Variants in PRICKLE2 observed in about 807,000 individuals in gnomAD.
The protein encoded by PRICKLE2 is prickle planar cell polarity protein 2.
Under a neutral mutation model 81.4 loss-of-function variants are expected in PRICKLE2, and 21 were observed. That is an observed-to-expected ratio of 0.26 (90% CI 0.18 to 0.37). PRICKLE2 has a LOEUF of 0.37. PRICKLE2 is among the 10% of genes least tolerant of loss of function. PRICKLE2 has a pLI of 1.00. For synonymous variants in PRICKLE2, 456 were observed against 421.5 expected (o/e 1.08, Z -1.00); for missense variants, 940 against 1,109.0 (o/e 0.85, Z 2.16).
At chr3:64,246,411 C>G (rs1473299504) in intron 2 of PRICKLE2, among the ~76,000 whole-genome samples, 1 of 152,206 alleles carries the variant, frequency 6.6e-6, no homozygotes, top group Admixed American at 6.5e-5. Flanking sequence ...CGTGACCCAA[C>G]CTATAGCACC....
At position 64,099,603 on chromosome 3, in the gene PRICKLE2, C is replaced by T. The variant is rs765543553; in HGVS notation, c.1983G>A (p.Arg661=). 1 of 1,613,934 alleles carries T rather than the reference C, an allele frequency of 6.2e-7. No homozygotes were observed. The highest frequency in any genetic ancestry group is 1.1e-5 in the South Asian group (1 of 91,090). ...GSKLPGQEGV[R]IQPMSERTRR... ...GGGTGCGTTCACTCATGGGCTGGAT[C>T]CTCACGCCCTCCTGCCCTGGCAGCT... Residue 661 remains arginine, a synonymous_variant, in exon 8 of 8, where the codon AGG becomes AGA. Transcript: ENST00000638394. This position sits in a 1 kb window ranked among gnomAD's most constrained non-coding sequence, Gnocchi z 4.3.
chr3:64,142,967 T>C (rs1259221794), intron 7 of PRICKLE2, among the ~76,000 whole-genome samples: 3 of 152,098 alleles, frequency 2.0e-5, no homozygotes, highest in East Asian at 1.9e-4. Flanking sequence ...CTTGATCTCA[T>C]CCCAGCAAGT....
At chr3:64,135,707 CA>C (rs2077267417) in intron 7 of PRICKLE2, among the ~76,000 whole-genome samples, 2 of 151,426 alleles carry the variant, frequency 1.3e-5, no homozygotes, top group Non-Finnish European at 2.9e-5. Context: ...CACACACACA[CA>C]CACACACACA....
chr3:64,110,845 TAA>T (rs1199311010), intron 7 of PRICKLE2, among the ~76,000 whole-genome samples: 1 of 149,698 alleles, frequency 6.7e-6, no homozygotes, highest in Non-Finnish European at 1.5e-5. Flanking sequence ...CTCTGGGTTT[TAA>T]AAGTGTCGGG....
At position 64,107,505 on chromosome 3, in the gene PRICKLE2, C is replaced by T. The variant is rs538203614; in HGVS notation, c.1661-7580G>A. ...TTCCTTATTTATTGTCCTGTCTTAT[C>T]CCACTCCGCACCAGAAGACAGAGAG... is the stretch of plus-strand genomic sequence containing the variant. On this transcript the variant is annotated intron_variant, in intron 7 of 7. Transcript: ENST00000638394. 2.6e-5 allele frequency among the ~76,000 whole-genome samples: 4 copies of T among 152,216 alleles called. No homozygotes were observed. The South Asian group carries it at 8.3e-4, about 32-fold the overall frequency.
At chr3:64,120,563 A>G (rs2077009230) in intron 7 of PRICKLE2, among the ~76,000 whole-genome samples, 2 of 152,126 alleles carry the variant, frequency 1.3e-5, no homozygotes, top group South Asian at 4.1e-4. Context: ...TCGCCCAGGG[A>G]TCTTCTTAAA....
At chr3:64,119,883 A>T (rs180911391) in intron 7 of PRICKLE2, among the ~76,000 whole-genome samples, 2 of 152,366 alleles carry the variant, frequency 1.3e-5, no homozygotes, top group South Asian at 2.1e-4. Flanking sequence ...GCCATAAAAA[A>T]GTATGAGATC....
intron 7 of PRICKLE2, among the ~76,000 whole-genome samples, chr3:64,118,070 T>G (rs1370630468): frequency 6.6e-6 from 1 of 152,148 alleles, no homozygotes; most frequent in Non-Finnish European, 1.5e-5. Context: ...CTATCTGATC[T>G]TAGACAAACC....
intron 4 of PRICKLE2, among the ~76,000 whole-genome samples, chr3:64,157,569 T>C (rs2077657655): frequency 6.6e-6 from 1 of 152,116 alleles, no homozygotes; most frequent in African/African-American, 2.4e-5. Flanking sequence ...ACAAATAATG[T>C]AGAGAGAAAG....
chr3:64,112,024 C>T (rs575872806), intron 7 of PRICKLE2, among the ~76,000 whole-genome samples: 5 of 152,294 alleles, frequency 3.3e-5, no homozygotes, highest in African/African-American at 9.6e-5. Context: ...ACTTCCTCAA[C>T]GGCACGTCTC....
At chr3:64,144,481 C>T (rs1269236855) in intron 7 of PRICKLE2, among the ~76,000 whole-genome samples, 1 of 152,256 alleles carries the variant, frequency 6.6e-6, no homozygotes, top group Non-Finnish European at 1.5e-5. Context: ...TATCCCAGCA[C>T]ATGGCAACAA....
In PRICKLE2 at chr3:64,125,533, A is replaced by G. The variant is rs112071799; in HGVS notation, c.1660+21297T>C. Among the ~76,000 whole-genome samples the G allele has an allele frequency of 6.9e-4, 105 of 152,214 alleles. 1 individual carries two copies. The highest frequency in any genetic ancestry group is 2.4e-3 in the African/African-American group (101 of 41,442). On this transcript the variant is annotated intron_variant, in intron 7 of 7. Transcript: ENST00000638394. ...ACAGCCAAGCCAACCTTCAGCAACC[A>G]CTACTCTGATCAGTCAGCAGCCAAC...
At chr3:64,256,904 G>A (rs1478062020) in intron 2 of PRICKLE2, among the ~76,000 whole-genome samples, 2 of 152,110 alleles carry the variant, frequency 1.3e-5, no homozygotes, top group Non-Finnish European at 2.9e-5. Flanking sequence ...GGGACAAAAT[G>A]GATATGAGTC....
chr3:64,264,294 G>A (rs2079663589), intron 2 of PRICKLE2, among the ~76,000 whole-genome samples: 1 of 152,054 alleles, frequency 6.6e-6, no homozygotes, highest in South Asian at 2.1e-4. Flanking sequence ...TTGTCGTAAG[G>A]GTTTTTCAGT....
At chr3:64,118,870 A>AC (rs3055597) in intron 7 of PRICKLE2, among the ~76,000 whole-genome samples, 132,000 of 152,000 alleles carry the variant, frequency 0.87, 57,417 homozygotes, top group East Asian at 1. Flanking sequence ...GCAAATAAAT[A>AC]TTATATCCAA....
At chr3:64,240,569 G>A (rs1467466185) in intron 2 of PRICKLE2, among the ~76,000 whole-genome samples, 1 of 152,048 alleles carries the variant, frequency 6.6e-6, no homozygotes. Flanking sequence ...CGGTCCCATG[G>A]GGCCTACAGA....
upstream of PRICKLE2, among the ~76,000 whole-genome samples, chr3:64,230,419 G>T (rs150447699): frequency 6.6e-6 from 1 of 152,218 alleles, no homozygotes; most frequent in East Asian, 1.9e-4. Context: ...CAAAGAAAAA[G>T]AAAATATTGT....
rs777032629 is a variant in PRICKLE2 at position 64,099,107 on chromosome 3, T to G, written c.2479A>C (p.Arg827=). 3.7e-6 allele frequency: 6 copies of G among 1,614,116 alleles called. No individual in the cohort carries two copies. In the East Asian group the frequency reaches 1.1e-4, roughly 30 times the overall value. ...GLPKSSTLGG[R]GQLHSRKRQK... ...CTTTTCCTGCTGTGCAACTGTCCTC[T>G]GCCACCTAATGTGGAAGATTTGGGG... The change falls in exon 8 of 8, where the codon AGA becomes CGA. Residue 827 remains arginine, a synonymous_variant. Coordinates refer to ENST00000638394, the MANE Select transcript of PRICKLE2 (RefSeq NM_198859.4). This position sits in a 1 kb window ranked among gnomAD's most constrained non-coding sequence, Gnocchi z 4.3.
chr3:64,114,289 T>C (rs978710829), intron 7 of PRICKLE2, among the ~76,000 whole-genome samples: 5 of 151,952 alleles, frequency 3.3e-5, no homozygotes, highest in Non-Finnish European at 7.4e-5. Flanking sequence ...GCAAGAATGC[T>C]GAAAATACGA....
Sources: allele counts gnomAD v4.1 joint callset (sites outside exome capture counted in the v4.1 genomes callset), GRCh38; gene constraint gnomAD v4.1.1; non-coding constraint Gnocchi (gnomAD v3.1); transcripts MANE v1.5; gene names NCBI Gene and HGNC (gene_info 2026-07-23, HGNC 2026-07-21).